MRPL45: variants seen among roughly 807,000 people sequenced by gnomAD.
MRPL45 encodes the protein mitochondrial ribosomal protein L45.
Under a neutral mutation model 38.1 loss-of-function variants are expected in MRPL45, and 20 were observed. The ratio of observed to expected loss-of-function variants is 0.53; its 90% confidence interval spans 0.37 to 0.76. The LOEUF (loss-of-function observed/expected upper bound fraction) is 0.76, where lower values mean the gene tolerates loss of function less well. Among genes scored for constraint, MRPL45 ranks in the 30% least tolerant of loss-of-function variants. MRPL45 has a pLI of 0.00. For synonymous variants in MRPL45, 105 were observed against 128.8 expected, an observed-to-expected ratio of 0.82 and a Z score of 1.25; for missense variants, 337 against 395.6, an observed-to-expected ratio of 0.85 and a Z score of 1.26.
chr17:38,316,693 A>G (rs1195356436), intron 4 of MRPL45, among the ~76,000 whole-genome samples: 1 of 131,096 alleles, frequency 7.6e-6, no homozygotes, highest in African/African-American at 2.8e-5. Flanking sequence ...CTGTAGTCCC[A>G]GAATCTCACT....
intron 4 of MRPL45, among the ~76,000 whole-genome samples, chr17:38,316,737 C>CAAA (rs61383463): frequency 1.6e-5 from 1 of 61,212 alleles, no homozygotes; most frequent in African/African-American, 5.0e-5. Flanking sequence ...TGGTGCAATC[C>CAAA]AAAAAAAAAA....
At chr17:38,316,825 G>T (rs1480047047) in intron 4 of MRPL45, among the ~76,000 whole-genome samples, 1 of 149,818 alleles carries the variant, frequency 6.7e-6, no homozygotes, top group Non-Finnish European at 1.5e-5. Context: ...TTGAGACGGA[G>T]TCTTGCTCTG....
chr17:38,320,806 A>C (rs2037222669), intron 6 of MRPL45, 39 bp downstream of exon 6: 1 of 1,607,814 alleles, frequency 6.2e-7, no homozygotes, highest in African/African-American at 1.3e-5. Context: ...GCTTTTTTTC[A>C]CTCTGAGCTT....
rs755648169 is a variant in MRPL45, at chr17:38,306,608, T to C, written c.438T>C (p.Ile146=). The C allele has an allele frequency of 2.5e-6, 4 of 1,613,426 alleles. No individual in the cohort carries two copies. In the Admixed American group the frequency reaches 5.0e-5, roughly 20 times the overall value. Residue 146 remains isoleucine (I), a synonymous_variant, in exon 4 of 8, where the codon ATT becomes ATC. Transcript: ENST00000613675. ...DFPEKAKDIF[I]EAHLCLNNSD... is the part of the protein sequence containing the mutation. ...CTGAAAAAGCTAAGGATATCTTTAT[T>C]GAAGCTCACCTTTGTCTAAATAAGT... is the stretch of plus-strand genomic sequence containing the variant.
intron 4 of MRPL45, among the ~76,000 whole-genome samples, chr17:38,308,198 G>A (rs2037073361): frequency 6.6e-6 from 1 of 151,760 alleles, no homozygotes; most frequent in African/African-American, 2.4e-5. Flanking sequence ...GTGCAGTGGT[G>A]CAGCCTGTGC....
intron 4 of MRPL45, among the ~76,000 whole-genome samples, chr17:38,309,335 T>C (rs1329831667): frequency 6.7e-6 from 1 of 148,240 alleles, no homozygotes; most frequent in East Asian, 2.2e-4. Flanking sequence ...GCCAATGTGG[T>C]GAAACCCTGT....
intron 4 of MRPL45, among the ~76,000 whole-genome samples, chr17:38,311,758 G>T (rs531938168): frequency 6.6e-6 from 1 of 150,978 alleles, no homozygotes; most frequent in African/African-American, 2.4e-5. Flanking sequence ...ACAGCAAGAA[G>T]TCAACATCTA....
chr17:38,300,265 C>G (rs2036979811), intron 3 of MRPL45, among the ~76,000 whole-genome samples: 1 of 152,082 alleles, frequency 6.6e-6, no homozygotes, highest in Non-Finnish European at 1.5e-5. Context: ...ATCCACCCAC[C>G]TCAGCCTCCT....
intron 4 of MRPL45, among the ~76,000 whole-genome samples, chr17:38,310,843 C>T (rs1299547875): frequency 1.3e-5 from 2 of 152,138 alleles, no homozygotes; most frequent in Non-Finnish European, 2.9e-5. Context: ...AGGCTGGTCT[C>T]GAACTCTGGC....
At chr17:38,307,019 C>T (rs1037947698) in intron 4 of MRPL45, among the ~76,000 whole-genome samples, 14 of 152,006 alleles carry the variant, frequency 9.2e-5, no homozygotes, top group Non-Finnish European at 2.1e-4. Flanking sequence ...TTCCAGCTCT[C>T]CCTCCACTTT....
rs753669889 is a variant in MRPL45 at position 38,322,607 on chromosome 17, A to T, written c.*12A>T. The stretch of plus-strand genomic sequence containing the variant: ...CTCAGCTAGCCTGATGACAAAAATG[A>T]CTTCTAGGGTGAAGCCTGGGTGATG... On this transcript the variant is annotated 3_prime_UTR_variant, in exon 8 of 8. Coordinates refer to ENST00000613675, the MANE Select transcript of MRPL45 (RefSeq NM_032351.6). 3 of 1,606,150 alleles carry T rather than the reference A, an allele frequency of 1.9e-6. No homozygotes were observed. Among genetic ancestry groups the T allele is most frequent in the Non-Finnish European group, 2.6e-6 (3 of 1,174,860 alleles).
At chr17:38,318,821 T>TA in intron 5 of MRPL45, 86 bp downstream of exon 5, 6 of 877,250 alleles carry the variant, frequency 6.8e-6, no homozygotes, top group Non-Finnish European at 8.6e-6. Context: ...TCTTTTCTTT[T>TA]CTTTTCTTTT....
At chr17:38,310,060 T>C (rs1196395734) in intron 4 of MRPL45, among the ~76,000 whole-genome samples, 1 of 151,814 alleles carries the variant, frequency 6.6e-6, no homozygotes, top group Non-Finnish European at 1.5e-5. Context: ...AATCTGCTGT[T>C]AACCTACCTA....
intron 3 of MRPL45, among the ~76,000 whole-genome samples, chr17:38,305,468 CAAA>C (rs570891836): frequency 1.4e-4 from 16 of 112,406 alleles, no homozygotes; most frequent in Non-Finnish European, 1.7e-4. Flanking sequence ...GACTCTGTCT[CAAA>C]AAAAAAAAAA....
chr17:38,312,154 C>T (rs1426793136), intron 4 of MRPL45, among the ~76,000 whole-genome samples: 9 of 150,502 alleles, frequency 6.0e-5, no homozygotes, highest in African/African-American at 2.2e-4. Context: ...TCAAGCGATT[C>T]TCCAGCCTCA....
At position 38,322,493 on chromosome 17, in the gene MRPL45, C is replaced by T. The variant is rs755868660; in HGVS notation, c.835-16C>T. The T allele has an allele frequency of 1.6e-5, 25 of 1,610,036 alleles. 1 individual carries two copies. In the Middle Eastern group the frequency reaches 1.3e-3, roughly 87 times the overall value. ...TGGGCTTGGTTGGTGGGTAACCTGG[C>T]GTCCTACTCTTTCAGACGGTGATGA... On this transcript the variant is annotated splice_polypyrimidine_tract_variant and intron_variant, in intron 7 of 7. Transcript: ENST00000613675.
intron 3 of MRPL45, among the ~76,000 whole-genome samples, chr17:38,300,485 A>G (rs1166782523): frequency 1.3e-5 from 2 of 151,874 alleles, no homozygotes; most frequent in African/African-American, 4.8e-5. Context: ...GACTGTATCT[A>G]TCTTTTTTTT....
chr17:38,302,116 C>CAAA (rs67699213), intron 3 of MRPL45, among the ~76,000 whole-genome samples: 61 of 75,220 alleles, frequency 8.1e-4, no homozygotes, highest in East Asian at 1.2e-3. Context: ...GACTCCGTCT[C>CAAA]AAAAAAAAAA....
At position 38,302,505 on chromosome 17, in the gene MRPL45, A is replaced by AG. The variant is rs2037008115; in HGVS notation, c.362+3038dup. 5.9e-5 allele frequency among the ~76,000 whole-genome samples: 3 copies of AG among 50,590 alleles called. 1 individual carries two copies. Among genetic ancestry groups the AG allele is most frequent in the Admixed American group, 2.5e-4 (1 of 3,970 alleles). The allele number at this position is 50,590 out of a possible 152,430, so 33.2% of individuals were successfully genotyped here. A position where few individuals can be genotyped will look rare whatever the true frequency, so the allele number is the denominator to read the frequency against. ...CCATCTCAAAAAAAAAAAAAAAAAA[A>AG]GTTTGTTTTTTTTTTTTTTTTTTAG... On this transcript the variant is annotated intron_variant, in intron 3 of 7. Coordinates refer to ENST00000613675, the MANE Select transcript of MRPL45 (RefSeq NM_032351.6).
Sources: allele counts gnomAD v4.1 joint callset (sites outside exome capture counted in the v4.1 genomes callset), GRCh38; gene constraint gnomAD v4.1.1; transcripts MANE v1.5; gene names NCBI Gene and HGNC (gene_info 2026-07-23, HGNC 2026-07-21).